The following PTPRM variants were observed in gnomAD, a reference collection of about 807,000 sequenced individuals.
PTPRM encodes the protein protein tyrosine phosphatase receptor type M, also known as receptor-type tyrosine-protein phosphatase mu.
PTPRM carries 47 observed loss-of-function variants against 186.7 expected under a neutral mutation model. That is an observed-to-expected ratio of 0.25 (90% CI 0.20 to 0.32). The LOEUF (loss-of-function observed/expected upper bound fraction) is 0.32, where lower values mean the gene tolerates loss of function less well. PTPRM is among the 10% of genes least tolerant of loss of function. The pLI, the probability that PTPRM is intolerant of heterozygous loss-of-function variation, is 1.00. For missense variants in PTPRM, 1,494 were observed against 1,865.0 expected (o/e 0.80, Z 3.66); for synonymous variants, 668 against 674.9 (o/e 0.99, Z 0.16).
intron 2 of PTPRM, among the ~76,000 whole-genome samples, chr18:7,856,642 G>A (rs907387293): frequency 5.3e-5 from 8 of 151,870 alleles, no homozygotes; most frequent in African/African-American, 1.9e-4. Context: ...TACTCTGGAG[G>A]CTGAGGCAAG....
chr18:8,339,202 C>G (rs1013543966), intron 22 of PTPRM, among the ~76,000 whole-genome samples: 1 of 151,648 alleles, frequency 6.6e-6, no homozygotes, highest in African/African-American at 2.4e-5. Context: ...GTTCCGCCCC[C>G]TTTTTTTTCC....
In PTPRM at chr18:8,113,873, A is replaced by G. The variant is rs986510579; in HGVS notation, c.2130+114A>G. 6.4e-6 allele frequency: 7 copies of G among 1,089,134 alleles called. No individual in the cohort carries two copies. In the Admixed American group the frequency reaches 1.3e-4, roughly 21 times the overall value. 67.5% of individuals were successfully genotyped at this position (1,089,134 alleles called of 1,614,324 possible). On this transcript the variant is annotated intron_variant, in intron 12 of 32. Coordinates refer to ENST00000580170, the MANE Select transcript of PTPRM (RefSeq NM_001105244.2). ...ATGCTTTTCTGCATTTCTACTTGTA[A>G]ACAAATGTGATTTTCTTCTCTTAAA...
Position 8,236,847 on chromosome 18 carries a change from C to T in PTPRM, c.2301-7211C>T, listed in dbSNP as rs554930933. Among the ~76,000 whole-genome samples, 44 of 152,190 alleles carry T rather than the reference C, an allele frequency of 2.9e-4. 1 individual carries two copies. Among genetic ancestry groups the T allele is most frequent in the African/African-American group, 8.9e-4 (37 of 41,526 alleles). On this transcript the variant is annotated intron_variant, in intron 14 of 32. Coordinates refer to ENST00000580170, the MANE Select transcript of PTPRM (RefSeq NM_001105244.2). ...GTGAGCCACCTAGTGCATAGCCTAACGGGTATATTTAGACTACTGACATTT... is the reference window on the plus strand; with the variant it reads ...GTGAGCCACCTAGTGCATAGCCTAATGGGTATATTTAGACTACTGACATTT...
At chr18:8,003,154 G>T (rs920645427) in intron 7 of PTPRM, among the ~76,000 whole-genome samples, 2 of 152,142 alleles carry the variant, frequency 1.3e-5, no homozygotes, top group African/African-American at 4.8e-5. Context: ...CATGTCAAGG[G>T]CGGGGCCAGG....
Position 7,658,330 on chromosome 18 carries a change from TTATA to T in PTPRM, c.73+90466_73+90469del, listed in dbSNP as rs34009975. On this transcript the variant is annotated intron_variant, in intron 1 of 32. Coordinates refer to ENST00000580170, the MANE Select transcript of PTPRM (RefSeq NM_001105244.2). ...GTGGCTTCCTAAAATTAAAGTAAAT[TTATA>T]TATATATATATATATATATATATAT... Among the ~76,000 whole-genome samples the T allele has an allele frequency of 5.1e-3, 640 of 124,436 alleles. 7 individuals carry two copies. Among genetic ancestry groups the T allele is most frequent in the South Asian group, 0.015 (61 of 4,102 alleles). The allele number at this position is 124,436 out of a possible 152,430, so 81.6% of individuals were successfully genotyped here.
Position 8,276,898 on chromosome 18 carries a change from G to A in PTPRM, c.2755-19470G>A, listed in dbSNP as rs182370270. On this transcript the variant is annotated intron_variant, in intron 19 of 32. Transcript: ENST00000580170. ...AACCTGACAACTTTCTCCTAATTGTGAATGACAGAAAAAAAGGATGATTTG... is the reference window on the plus strand; with the variant it reads ...AACCTGACAACTTTCTCCTAATTGTAAATGACAGAAAAAAAGGATGATTTG... Among the ~76,000 whole-genome samples the A allele has an allele frequency of 1.5e-3, 231 of 151,580 alleles. 3 individuals are homozygous for A. The highest frequency in any genetic ancestry group is 0.01 in the Middle Eastern group (3 of 290).
intron 2 of PTPRM, among the ~76,000 whole-genome samples, chr18:7,824,212 G>A (rs191210886): frequency 5.3e-4 from 81 of 152,326 alleles, no homozygotes; most frequent in African/African-American, 1.9e-3. Context: ...CCTGGACTCT[G>A]TTATGAGTTA....
At chr18:7,787,563 G>A (rs1251161844) in intron 2 of PTPRM, among the ~76,000 whole-genome samples, 1 of 152,174 alleles carries the variant, frequency 6.6e-6, no homozygotes, top group African/African-American at 2.4e-5. Context: ...GGTGACTGTG[G>A]CAGCATTGAG....
At chr18:8,023,855 C>A (rs970881417) in intron 7 of PTPRM, among the ~76,000 whole-genome samples, 28 of 139,440 alleles carry the variant, frequency 2.0e-4, no homozygotes, top group African/African-American at 5.6e-4. Context: ...CACACACACA[C>A]ACACACACAC....
chr18:8,135,407 G>A (rs1600757497), intron 13 of PTPRM, among the ~76,000 whole-genome samples: 1 of 152,262 alleles, frequency 6.6e-6, no homozygotes, highest in East Asian at 1.9e-4. Context: ...CATAGTTCTA[G>A]AGTTGGTTTT....
At chr18:8,292,732 A>G (rs771143064) in intron 19 of PTPRM, among the ~76,000 whole-genome samples, 2 of 152,230 alleles carry the variant, frequency 1.3e-5, no homozygotes, top group Non-Finnish European at 2.9e-5. Flanking sequence ...ATGAACACAT[A>G]TCATGTATGA....
chr18:8,006,407 G>T (rs1431206963), intron 7 of PTPRM, among the ~76,000 whole-genome samples: 1 of 152,176 alleles, frequency 6.6e-6, no homozygotes, highest in African/African-American at 2.4e-5. Flanking sequence ...TTAGCAGGAA[G>T]CATTTGCATA....
chr18:7,670,632 A>G (rs997761088), intron 1 of PTPRM, among the ~76,000 whole-genome samples: 4 of 152,160 alleles, frequency 2.6e-5, no homozygotes, highest in Admixed American at 6.6e-5. Context: ...ACATGTTTTT[A>G]TTTTGCTTAA....
intron 17 of PTPRM, among the ~76,000 whole-genome samples, chr18:8,250,703 TG>T (rs2094520311): frequency 6.6e-6 from 1 of 151,666 alleles, no homozygotes; most frequent in Admixed American, 6.6e-5. Context: ...GCAGGAGGAT[TG>T]CTGGAGCCCA....
chr18:7,760,307 C>T (rs1024541599), intron 1 of PTPRM, among the ~76,000 whole-genome samples: 2 of 152,186 alleles, frequency 1.3e-5, no homozygotes, highest in Non-Finnish European at 2.9e-5. Flanking sequence ...AAAATAATAG[C>T]ATGTGCAATC....
intron 1 of PTPRM, among the ~76,000 whole-genome samples, chr18:7,661,371 A>G (rs1300783229): frequency 2.0e-5 from 3 of 152,228 alleles, no homozygotes. Flanking sequence ...TCTGCAGAGC[A>G]TATAAACTGC....
chr18:7,623,894 C>G (rs1234545996), intron 1 of PTPRM, among the ~76,000 whole-genome samples: 1 of 152,118 alleles, frequency 6.6e-6, no homozygotes, highest in East Asian at 1.9e-4. Context: ...TGGACCAACC[C>G]CAGCTCTTTC....
chr18:8,207,546 G>A (rs140058579), intron 14 of PTPRM, among the ~76,000 whole-genome samples: 1,679 of 152,220 alleles, frequency 0.011, 16 homozygotes, highest in Admixed American at 0.02. Flanking sequence ...TCATGACATA[G>A]AGAAATGATG....
chr18:8,231,140 C>G (rs1395209550), intron 14 of PTPRM, among the ~76,000 whole-genome samples: 1 of 152,170 alleles, frequency 6.6e-6, no homozygotes, highest in Non-Finnish European at 1.5e-5. Flanking sequence ...CAACAGTGAT[C>G]TTTGGCTCAG....
Sources: gnomAD v4.1 joint callset for allele counts (sites outside exome capture counted in the v4.1 genomes callset) on GRCh38, gnomAD v4.1.1 for gene constraint, MANE v1.5 for transcripts, NCBI Gene and HGNC (gene_info 2026-07-23, HGNC 2026-07-21) for gene names.